ANKFN1: variants seen among roughly 807,000 people sequenced by gnomAD.
ANKFN1 encodes ankyrin repeat and fibronectin type III domain containing 1, also known as ankyrin repeat and fibronectin type-III domain-containing protein 1.
In ANKFN1, 74 loss-of-function variants were observed where a neutral mutation model predicts 108.7. The observed-to-expected ratio is 0.68, with a 90% CI of 0.56 to 0.83. The LOEUF (loss-of-function observed/expected upper bound fraction) is 0.83, where lower values mean the gene tolerates loss of function less well. ANKFN1 is among the 40% of genes least tolerant of loss of function. ANKFN1 has a pLI of 0.00. For synonymous variants in ANKFN1, 547 were observed against 516.2 expected (o/e 1.06, Z -0.81); for missense variants, 1,505 against 1,382.3 (o/e 1.09, Z -1.41).
intron 1 of ANKFN1, among the ~76,000 whole-genome samples, chr17:56,155,259 C>T (rs1908994991): frequency 6.6e-6 from 1 of 152,140 alleles, no homozygotes; most frequent in Non-Finnish European, 1.5e-5. Context: ...TTTTGTGTCA[C>T]CTCTCCTGTA....
intron 14 of ANKFN1, among the ~76,000 whole-genome samples, chr17:56,459,504 G>T (rs570457581): frequency 4.1e-4 from 63 of 152,180 alleles, no homozygotes; most frequent in Middle Eastern, 3.4e-3. Flanking sequence ...AAAGTGCCTC[G>T]TCCTTTCATC....
chr17:56,120,989 A>G (rs566841054), intron 4 of ANKFN1, among the ~76,000 whole-genome samples: 84 of 152,174 alleles, frequency 5.5e-4, no homozygotes, highest in African/African-American at 2.0e-3. Flanking sequence ...TTTCCCTGAC[A>G]TTTTAACCTA....
At chr17:56,065,158 C>T (rs1279276700) in intron 4 of ANKFN1, among the ~76,000 whole-genome samples, 1 of 152,192 alleles carries the variant, frequency 6.6e-6, no homozygotes, top group Non-Finnish European at 1.5e-5. Flanking sequence ...TCTAGTCGAC[C>T]ATCTTGGCCC....
intron 3 of ANKFN1, among the ~76,000 whole-genome samples, chr17:56,321,935 C>T (rs966024586): frequency 1.8e-4 from 27 of 152,124 alleles, no homozygotes; most frequent in Non-Finnish European, 3.2e-4. Flanking sequence ...AGTGGGAAAC[C>T]GCAGACTCTC....
intron 4 of ANKFN1, among the ~76,000 whole-genome samples, chr17:56,061,438 A>AT (rs1469509733): frequency 6.6e-6 from 1 of 151,122 alleles, no homozygotes; most frequent in African/African-American, 2.4e-5. Context: ...TGCCCAGCTA[A>AT]TTTTTTGTAT....
chr17:56,119,711 G>A (rs1341082866), intron 4 of ANKFN1, among the ~76,000 whole-genome samples: 1 of 152,268 alleles, frequency 6.6e-6, no homozygotes, highest in African/African-American at 2.4e-5. Context: ...TGCACCTTTT[G>A]TGTATAGACT....
intron 4 of ANKFN1, among the ~76,000 whole-genome samples, chr17:56,062,573 T>TTTTC (rs1555589520): frequency 2.8e-5 from 4 of 145,146 alleles, no homozygotes; most frequent in African/African-American, 1.1e-4. Context: ...TTTTTTTTTT[T>TTTTC]CTTTCCATTT....
At chr17:56,080,602 A>G (rs1330625018) in intron 4 of ANKFN1, among the ~76,000 whole-genome samples, 2 of 151,926 alleles carry the variant, frequency 1.3e-5, no homozygotes, top group Non-Finnish European at 2.9e-5. Flanking sequence ...TCCTCCCTAT[A>G]CTCCTAAGAC....
In ANKFN1 at chr17:56,355,824, T is replaced by C. The variant is rs139590505; in HGVS notation, c.601+1778T>C. Among the ~76,000 whole-genome samples the C allele has an allele frequency of 2.4e-3, 372 of 152,246 alleles. 2 individuals carry two copies. The highest frequency in any genetic ancestry group is 8.6e-3 in the African/African-American group (356 of 41,548). ...TCACATACCATAAAATTTACCCTTTTGAAGTATACAATTCAGTGGTTTTTA... is the reference window on the plus strand; with the variant it reads ...TCACATACCATAAAATTTACCCTTTCGAAGTATACAATTCAGTGGTTTTTA... On this transcript the variant is annotated intron_variant, in intron 6 of 20. Coordinates refer to ENST00000682825, the MANE Select transcript of ANKFN1 (RefSeq NM_001370326.1).
chr17:56,359,235 G>C (rs1386969457), intron 6 of ANKFN1, among the ~76,000 whole-genome samples: 2 of 152,066 alleles, frequency 1.3e-5, no homozygotes. Flanking sequence ...CATCGACACA[G>C]ACACACACAC....
chr17:56,502,791 A>G (rs75136133), intron 20 of ANKFN1, among the ~76,000 whole-genome samples: 263 of 152,334 alleles, frequency 1.7e-3, no homozygotes, highest in Non-Finnish European at 2.9e-3. Flanking sequence ...AGCCTGCTAG[A>G]AATATAGAGC....
chr17:56,334,539 C>G (rs184467590), intron 4 of ANKFN1, among the ~76,000 whole-genome samples: 2 of 151,994 alleles, frequency 1.3e-5, no homozygotes, highest in East Asian at 3.9e-4. Flanking sequence ...TATTGAACAC[C>G]TATTTTTTCA....
At chr17:56,349,388 A>G (rs1433247200) in intron 4 of ANKFN1, among the ~76,000 whole-genome samples, 1 of 115,506 alleles carries the variant, frequency 8.7e-6, no homozygotes, top group East Asian at 2.8e-4. Context: ...CGAACTTAAA[A>G]GCTGGAAAAA....
chr17:56,204,253 G>A (rs1052478723), intron 1 of ANKFN1, among the ~76,000 whole-genome samples: 2 of 152,062 alleles, frequency 1.3e-5, no homozygotes, highest in East Asian at 1.9e-4. Context: ...CACCATGTTG[G>A]CCAGGTTCGT....
intron 3 of ANKFN1, among the ~76,000 whole-genome samples, chr17:56,304,577 T>C (rs1308493560): frequency 1.3e-5 from 2 of 152,216 alleles, no homozygotes; most frequent in Non-Finnish European, 1.5e-5. Flanking sequence ...CAAACTGTTT[T>C]CCAGAATGGT....
chr17:56,299,867 T>C (rs567875408), intron 3 of ANKFN1, among the ~76,000 whole-genome samples: 2 of 152,222 alleles, frequency 1.3e-5, no homozygotes, highest in Non-Finnish European at 1.5e-5. Flanking sequence ...GTTCGTTGGC[T>C]AAATGAATGA....
chr17:56,434,967 C>A (rs1259359111), intron 8 of ANKFN1, among the ~76,000 whole-genome samples: 2 of 152,058 alleles, frequency 1.3e-5, no homozygotes, highest in Non-Finnish European at 2.9e-5. Context: ...TTGGTTCCAT[C>A]GAAGAGCTGA....
chr17:56,314,180 A>G (rs1267664864), intron 3 of ANKFN1, among the ~76,000 whole-genome samples: 1 of 152,218 alleles, frequency 6.6e-6, no homozygotes, highest in African/African-American at 2.4e-5. Context: ...CTATTACTCT[A>G]TTCATGATAT....
intron 4 of ANKFN1, among the ~76,000 whole-genome samples, chr17:56,086,128 C>T (rs899994154): frequency 6.6e-6 from 1 of 150,404 alleles, no homozygotes; most frequent in Non-Finnish European, 1.5e-5. Flanking sequence ...CAATTTGTGC[C>T]AGGTGCAGTG....
Sources: allele counts gnomAD v4.1 joint callset (sites outside exome capture counted in the v4.1 genomes callset), GRCh38; gene constraint gnomAD v4.1.1; transcripts MANE v1.5; gene names NCBI Gene and HGNC (gene_info 2026-07-23, HGNC 2026-07-21).